NUDT13: variants seen among roughly 807,000 people sequenced by gnomAD.
NUDT13 encodes the protein NAD(P)H pyrophosphatase NUDT13, mitochondrial.
In NUDT13, 40 loss-of-function variants were observed where a neutral mutation model predicts 41.7. The observed-to-expected ratio is 0.96, with a 90% CI of 0.75 to 1.25. NUDT13 has a LOEUF of 1.25. Ranked by LOEUF, NUDT13 falls within the 50% of genes most tolerant of loss-of-function variation. The probability of loss-of-function intolerance (pLI) is 0.00; values close to 1 mark genes in which losing one functional copy is unlikely to be tolerated. For missense variants in NUDT13, 390 were observed against 416.1 expected (o/e 0.94, Z 0.55); for synonymous variants, 145 against 155.5 (o/e 0.93, Z 0.50).
intron 2 of NUDT13, among the ~76,000 whole-genome samples, chr10:73,119,273 T>C (rs1346301059): frequency 6.6e-6 from 1 of 152,128 alleles, no homozygotes; most frequent in East Asian, 1.9e-4. Flanking sequence ...CTCGAACTCC[T>C]GACCTCGTGA....
chr10:73,131,045 T>TGCTGATAGAAGTG lies in NUDT13; in HGVS notation c.*142_*143insGCTGATAGAAGTG. The TGCTGATAGAAGTG allele has an allele frequency of 1.6e-6, 1 of 618,248 alleles. No individual in the cohort carries two copies. The highest frequency in any genetic ancestry group is 2.8e-6 in the Non-Finnish European group (1 of 356,922). The allele number at this position is 618,248 out of a possible 1,614,324, so 38.3% of individuals were successfully genotyped here. A position where few individuals can be genotyped will look rare whatever the true frequency, so the allele number is the denominator to read the frequency against. ...AAAGGGTGAGCCTACAGTAAGACAC[T>TGCTGATAGAAGTG]TCTATCAGCAGTGTTAATGGAAGAA... is the stretch of plus-strand genomic sequence containing the variant. On this transcript the variant is annotated 3_prime_UTR_variant, in exon 9 of 9. Coordinates refer to ENST00000357321, the MANE Select transcript of NUDT13 (RefSeq NM_015901.6).
chr10:73,125,235 T>A lies in NUDT13; in HGVS notation c.583T>A (p.Tyr195Asn). Residue 195 changes from tyrosine to asparagine, a missense_variant, in exon 6 of 9, where the codon TAT becomes AAT. By Grantham distance (143) the Tyr-to-Asn change is moderately radical. Transcript: ENST00000357321. ...GTGCCCTTCCAATAATATAATCTAT[T>A]ATCCACAGGTAATTATTGCTGTAAG... ...RVCPSNNIIY[Y>N]PQMAPVAITL... The A allele has an allele frequency of 6.2e-6, 10 of 1,610,326 alleles. No homozygotes were observed. The highest frequency in any genetic ancestry group is 8.5e-6 in the Non-Finnish European group (10 of 1,178,826).
chr10:73,120,244 G>A, intron 3 of NUDT13, 87 bp downstream of exon 3: 1 of 1,382,110 alleles, frequency 7.2e-7, no homozygotes, highest in South Asian at 1.4e-5. Context: ...AAAGATCCTT[G>A]AACTTTGGAG....
chr10:73,124,489 C>A, intron 5 of NUDT13, 169 bp downstream of exon 5: 1 of 559,036 alleles, frequency 1.8e-6, no homozygotes, highest in Admixed American at 3.1e-5. Context: ...GCTTATTCTT[C>A]CTTCTTCTGC....
intron 6 of NUDT13, 23 bp downstream of exon 6, chr10:73,125,266 A>T: frequency 6.2e-7 from 1 of 1,606,750 alleles, no homozygotes; most frequent in Non-Finnish European, 8.5e-7. Flanking sequence ...GTAAGAGGAC[A>T]GTAATCCAAG....
chr10:73,112,309 C>T (rs184249441), intron 1 of NUDT13, among the ~76,000 whole-genome samples: 23 of 151,928 alleles, frequency 1.5e-4, no homozygotes, highest in East Asian at 1.4e-3. Context: ...GCCGAGATTG[C>T]GCCATTGCAC....
intron 3 of NUDT13, 58 bp from the exon 4 acceptor site, chr10:73,122,117 G>A (rs554389015): frequency 1.1e-5 from 18 of 1,566,100 alleles, no homozygotes; most frequent in Non-Finnish European, 1.5e-5. Flanking sequence ...TATGGCTGTA[G>A]TGATTTAATA....
At chr10:73,113,106 C>G (rs1238451297) in intron 1 of NUDT13, among the ~76,000 whole-genome samples, 1 of 152,136 alleles carries the variant, frequency 6.6e-6, no homozygotes, top group Non-Finnish European at 1.5e-5. Flanking sequence ...AGGCTGGTCT[C>G]GAACTCCTGA....
chr10:73,119,926 G>A (rs1046460525), intron 2 of NUDT13, 92 bp from the exon 3 acceptor site: 36 of 1,298,726 alleles, frequency 2.8e-5, no homozygotes, highest in Non-Finnish European at 3.7e-5. Flanking sequence ...ACCATGGTAA[G>A]AGAGGGATGC....
chr10:73,126,997 A>G (rs1173815191), intron 8 of NUDT13, among the ~76,000 whole-genome samples, 170 bp downstream of exon 8: 1 of 152,148 alleles, frequency 6.6e-6, no homozygotes, highest in Non-Finnish European at 1.5e-5. Context: ...TAATCCCAAC[A>G]CTTTGGGAGG....
At chr10:73,126,343 A>C in intron 7 of NUDT13, 1 of 208,148 alleles carries the variant, frequency 4.8e-6, no homozygotes, top group Non-Finnish European at 9.6e-6. Context: ...AACATTTGCT[A>C]GAATTCAGTA....
At chr10:73,129,027 T>C (rs1270498006) in intron 8 of NUDT13, among the ~76,000 whole-genome samples, 1 of 152,158 alleles carries the variant, frequency 6.6e-6, no homozygotes, top group Admixed American at 6.6e-5. Context: ...AAGAGTGTCT[T>C]ACATATAGTA....
intron 7 of NUDT13, among the ~76,000 whole-genome samples, chr10:73,125,860 A>T (rs1434765988): frequency 6.6e-6 from 1 of 151,562 alleles, no homozygotes; most frequent in Non-Finnish European, 1.5e-5. Context: ...AATTTTTAAA[A>T]TTTTTTGTAG....
In NUDT13 at chr10:73,125,437, C is replaced by G; in HGVS notation, c.631C>G (p.Arg211Gly). 6.2e-7 allele frequency: 1 copy of G among 1,613,252 alleles called. No individual in the cohort carries two copies. Among genetic ancestry groups the G allele is most frequent in the South Asian group, 1.1e-5 (1 of 90,950 alleles). ...GATCACGCTGGTGTCAGATGGGACC[C>G]GATGCCTGCTTGCCCGCCAAAGCTC... ...VAITLVSDGT[R>G]CLLARQSSFP... Residue 211 changes from arginine (R) to glycine (G), a missense_variant, in exon 7 of 9, where the codon CGA (arginine) becomes GGA (glycine). Arg to Gly is a moderately radical substitution (Grantham distance 125, BLOSUM62 -2). Coordinates refer to ENST00000357321, the MANE Select transcript of NUDT13 (RefSeq NM_015901.6).
At position 73,114,401 on chromosome 10, in the gene NUDT13, A is replaced by AT. The variant is rs1842448546; in HGVS notation, c.43dup (p.Trp15LeufsTer4). 1.9e-6 allele frequency: 3 copies of AT among 1,593,150 alleles called. No individual in the cohort carries two copies. The highest frequency in any genetic ancestry group is 2.2e-5 in the East Asian group (1 of 44,524). ...ATTGTGGAATAGCTTGCAGGAGAAAATTTTTTTGGTGCTATAGGCTGCTGT... is the reference window on the plus strand; with the variant it reads ...ATTGTGGAATAGCTTGCAGGAGAAAATTTTTTTTGGTGCTATAGGCTGCTGT... On this transcript the variant is annotated frameshift_variant, in exon 2 of 9. Transcript: ENST00000357321. LOFTEE classifies it high-confidence loss of function.
At chr10:73,119,077 G>A (rs962015241) in intron 2 of NUDT13, among the ~76,000 whole-genome samples, 5 of 151,260 alleles carry the variant, frequency 3.3e-5, no homozygotes, top group Non-Finnish European at 7.4e-5. Flanking sequence ...ATGGAGTCTC[G>A]CTCTGTCATC....
chr10:73,124,004 A>G (rs1005449036), intron 4 of NUDT13, among the ~76,000 whole-genome samples: 5 of 151,228 alleles, frequency 3.3e-5, no homozygotes, highest in Non-Finnish European at 7.4e-5. Flanking sequence ...ATCATAGCGC[A>G]CTGTATGTAG....
rs148289506 is a variant in NUDT13 at position 73,127,542 on chromosome 10, G to A, written c.858+715G>A. Among the ~76,000 whole-genome samples the A allele has an allele frequency of 9.1e-3, 1,374 of 150,780 alleles. 12 individuals are homozygous for A. Among genetic ancestry groups the A allele is most frequent in the African/African-American group, 0.021 (853 of 41,076 alleles). ...TTTTGAGACGGAGTCTTACTCTGTC[G>A]CCCAGCCTGGAGTGCAGTGGCGCGA... On this transcript the variant is annotated intron_variant, in intron 8 of 8. Transcript: ENST00000357321.
intron 5 of NUDT13, chr10:73,124,614 T>C: frequency 3.3e-6 from 1 of 306,198 alleles, no homozygotes; most frequent in African/African-American, 2.1e-5. Flanking sequence ...TAGCATGACA[T>C]ATACAGTATC....
Sources: gnomAD v4.1 joint callset for allele counts (sites outside exome capture counted in the v4.1 genomes callset) on GRCh38, gnomAD v4.1.1 for gene constraint, MANE v1.5 for transcripts, NCBI Gene and HGNC (gene_info 2026-07-23, HGNC 2026-07-21) for gene names.